The following LINGO2 variants were observed in gnomAD, a reference collection of about 807,000 sequenced individuals.
LINGO2 encodes the protein leucine rich repeat and Ig domain containing 2.
A neutral mutation model predicts 30.6 loss-of-function variants in LINGO2; 14 were observed. The ratio of observed to expected loss-of-function variants is 0.46; its 90% CI spans 0.30 to 0.72. The LOEUF (loss-of-function observed/expected upper bound fraction) is 0.72. LINGO2 is among the 30% of genes least tolerant of loss of function. The probability of loss-of-function intolerance (pLI) is 0.07; values close to 1 mark genes in which losing one functional copy is unlikely to be tolerated. For missense variants in LINGO2, 729 were observed against 751.7 expected (o/e 0.97, Z 0.35); for synonymous variants, 317 against 288.5 (o/e 1.10, Z -1.00).
the LINGO2 span, among the ~76,000 whole-genome samples, chr9:29,156,206 C>T: frequency 6.6e-6 from 1 of 152,026 alleles, no homozygotes; most frequent in Non-Finnish European, 1.5e-5. Context: ...AATTGTAAAA[C>T]CACAACACAG....
At chr9:29,128,540 T>C in the LINGO2 span, among the ~76,000 whole-genome samples, 10 of 152,152 alleles carry the variant, frequency 6.6e-5, no homozygotes. Context: ...GCTTTTGTAC[T>C]GCTTTTCTAA....
At position 28,293,700 on chromosome 9, in the gene LINGO2, T is replaced by G. The variant is rs1226428352; in HGVS notation, c.-87+1508A>C. Among the ~76,000 whole-genome samples, 5 of 152,300 alleles carry G rather than the reference T, an allele frequency of 3.3e-5. No individual in the cohort carries two copies. The East Asian group carries it at 7.7e-4, about 23-fold the overall frequency. ...TGTTAACGTCTCCAAAAAAAATTTT[T>G]TTTTAAGTTTTTCCTTCTAACTCTG... On this transcript the variant is annotated intron_variant, in intron 4 of 5. Coordinates refer to ENST00000379992, the Ensembl canonical transcript of LINGO2.
chr9:28,031,694 G>C (rs1823680002), intron 4 of LINGO2, among the ~76,000 whole-genome samples: 1 of 152,174 alleles, frequency 6.6e-6, no homozygotes, highest in South Asian at 2.1e-4. Context: ...TGTCGGCTAA[G>C]CCGATTATTG....
the LINGO2 span, among the ~76,000 whole-genome samples, chr9:28,986,111 G>T: frequency 6.6e-6 from 1 of 151,840 alleles, no homozygotes; most frequent in African/African-American, 2.4e-5. Context: ...TATTGAAGAG[G>T]CTATATTATT....
intron 1 of LINGO2, among the ~76,000 whole-genome samples, chr9:28,595,726 C>T (rs1825141874): frequency 6.6e-6 from 1 of 152,028 alleles, no homozygotes; most frequent in Admixed American, 6.6e-5. Flanking sequence ...AACTACATTA[C>T]AATGGCCCAA....
chr9:28,489,166 T>C (rs1826286871), intron 1 of LINGO2, among the ~76,000 whole-genome samples: 1 of 152,156 alleles, frequency 6.6e-6, no homozygotes, highest in Admixed American at 6.6e-5. Flanking sequence ...GACTGAGCAA[T>C]ATTTATAAAT....
rs1164724626 is a variant in LINGO2 at position 28,241,267 on chromosome 9, CAAAAA to C, written c.-87+53936_-87+53940del. ...CTGGTGACAAAGCAAGACCCTGTCT[CAAAAA>C]AAAAAAAAAAAAAAAAAAAAGAAAA... On this transcript the variant is annotated intron_variant, in intron 4 of 5. Coordinates refer to ENST00000379992, the Ensembl canonical transcript of LINGO2. Among the ~76,000 whole-genome samples, 390 of 83,564 alleles carry C rather than the reference CAAAAA, an allele frequency of 4.7e-3. 3 individuals are homozygous for C. The highest frequency in any genetic ancestry group is 0.021 in the Middle Eastern group (3 of 140). 54.8% of individuals were successfully genotyped at this position (83,564 alleles called of 152,430 possible). A position where few individuals can be genotyped will look rare whatever the true frequency, so the allele number is the denominator to read the frequency against.
At chr9:28,348,693 G>A (rs555181716) in intron 3 of LINGO2, among the ~76,000 whole-genome samples, 5 of 152,004 alleles carry the variant, frequency 3.3e-5, no homozygotes, top group African/African-American at 1.2e-4. Flanking sequence ...ACCTCTGGGG[G>A]CAGGGCACAG....
exon 6 of LINGO2, chr9:27,949,714 G>C (rs1432393211): frequency 6.2e-7 from 1 of 1,614,020 alleles, no homozygotes; most frequent in Non-Finnish European, 8.5e-7. Context: ...AGGAAGCGGA[G>C]CCCTTGGAAG....
At chr9:29,005,723 G>A in the LINGO2 span, among the ~76,000 whole-genome samples, 17 of 151,940 alleles carry the variant, frequency 1.1e-4, no homozygotes, top group South Asian at 6.2e-4. Flanking sequence ...GGCCCTTCAC[G>A]TATGCAGGTT....
chr9:28,428,050 C>A (rs1823485565), intron 2 of LINGO2, among the ~76,000 whole-genome samples: 1 of 152,132 alleles, frequency 6.6e-6, no homozygotes, highest in Admixed American at 6.6e-5. Flanking sequence ...AGGACAGTAG[C>A]AGCATGAAAC....
At chr9:28,224,379 T>C (rs893206735) in intron 4 of LINGO2, among the ~76,000 whole-genome samples, 5 of 152,186 alleles carry the variant, frequency 3.3e-5, no homozygotes, top group African/African-American at 1.2e-4. Context: ...TTTTTTATTG[T>C]TACATAATAG....
chr9:28,946,371 G>C, the LINGO2 span, among the ~76,000 whole-genome samples: 747 of 152,250 alleles, frequency 4.9e-3, 4 homozygotes, highest in African/African-American at 0.017. Context: ...GAAATGTTTG[G>C]TTAGGAGCTT....
At chr9:28,812,275 G>A in the LINGO2 span, among the ~76,000 whole-genome samples, 1 of 151,718 alleles carries the variant, frequency 6.6e-6, no homozygotes, top group African/African-American at 2.4e-5. Flanking sequence ...TTTCAAATAA[G>A]GACTTCCAAC....
Position 28,054,932 on chromosome 9 carries a change from C to CA in LINGO2, c.-86-42528dup, listed in dbSNP as rs1414393814. On this transcript the variant is annotated intron_variant, in intron 4 of 5. Transcript: ENST00000379992. ...CCTGTTTTTTGTATGCCTCATACTA[C>CA]AAAGCTACAGTCTTCTTTCCTCTTA... Among the ~76,000 whole-genome samples the CA allele has an allele frequency of 6.6e-5, 10 of 152,162 alleles. No individual in the cohort carries two copies. The East Asian group carries it at 1.9e-3, about 29-fold the overall frequency.
chr9:27,981,551 G>A (rs71480383), intron 5 of LINGO2, among the ~76,000 whole-genome samples: 19,763 of 80,418 alleles, frequency 0.25, 1,768 homozygotes, highest in African/African-American at 0.3. Context: ...AAAAAAAAAA[G>A]AAAAAAAAGA....
chr9:29,166,077 C>T, the LINGO2 span, among the ~76,000 whole-genome samples: 13 of 152,000 alleles, frequency 8.6e-5, no homozygotes, highest in Non-Finnish European at 1.6e-4. Context: ...GCTCTTATAA[C>T]ATTCAAATAG....
chr9:28,621,170 T>C (rs1355043110), intron 1 of LINGO2, among the ~76,000 whole-genome samples: 1 of 151,820 alleles, frequency 6.6e-6, no homozygotes, highest in Non-Finnish European at 1.5e-5. Flanking sequence ...ATAAAAACAA[T>C]TTTAAACTAT....
the LINGO2 span, among the ~76,000 whole-genome samples, chr9:28,743,996 T>C: frequency 1.3e-5 from 2 of 151,534 alleles, no homozygotes; most frequent in African/African-American, 4.8e-5. Context: ...CATTTTTCTT[T>C]TTTTCTCTGT....
Sources: allele counts gnomAD v4.1 joint callset (sites outside exome capture counted in the v4.1 genomes callset), GRCh38; gene constraint gnomAD v4.1.1; transcripts MANE v1.5; gene names NCBI Gene and HGNC (gene_info 2026-07-23, HGNC 2026-07-21).